PCDHGA8: variants seen among roughly 807,000 people sequenced by gnomAD.
PCDHGA8 encodes the protein protocadherin gamma subfamily A, 8.
In PCDHGA8, 45 loss-of-function variants were observed where a neutral mutation model predicts 59.2. The observed-to-expected ratio is 0.76, with a 90% CI of 0.60 to 0.98. The LOEUF is 0.98. Among genes scored for constraint, PCDHGA8 ranks in the 50% least tolerant of loss-of-function variants. The probability of loss-of-function intolerance (pLI) is 0.00; values close to 1 mark genes in which losing one functional copy is unlikely to be tolerated. For missense variants in PCDHGA8, 1,257 were observed against 1,196.2 expected (o/e 1.05, Z -0.75); for synonymous variants, 531 against 519.0 (o/e 1.02, Z -0.32).
Position 141,491,274 on chromosome 5 carries a change from T to C in PCDHGA8, c.2425-3533T>C, listed in dbSNP as rs2099710140. On this transcript the variant is annotated intron_variant, in intron 1 of 3. Transcript: ENST00000398604. The surrounding 1 kb of genome is among the most constrained non-coding windows in gnomAD (Gnocchi z 6.9). ...ACCCTGAGGAAATGCCCAAATCCAG[T>C]GACTTCCTCATACACCCTCCTGAGC... The C allele has an allele frequency of 6.2e-7, 1 of 1,614,102 alleles. No individual in the cohort carries two copies. Among genetic ancestry groups the C allele is most frequent in the Non-Finnish European group, 8.5e-7 (1 of 1,179,914 alleles).
chr5:141,491,381 C>A lies in PCDHGA8; in HGVS notation c.2425-3426C>A. On this transcript the variant is annotated intron_variant, in intron 1 of 3. Transcript: ENST00000398604. This position sits in a 1 kb window ranked among gnomAD's most constrained non-coding sequence, Gnocchi z 6.9. ...CTAGTCACCTTCACCTTTCTGTCAGCGAAGTGCCTTCAGGGAAACGCAGAC... is the reference window on the plus strand; with the variant it reads ...CTAGTCACCTTCACCTTTCTGTCAGAGAAGTGCCTTCAGGGAAACGCAGAC... 2 of 1,614,068 alleles carry A rather than the reference C, an allele frequency of 1.2e-6. No homozygotes were observed. The highest frequency in any genetic ancestry group is 1.7e-6 in the Non-Finnish European group (2 of 1,179,950).
Position 141,491,686 on chromosome 5 carries a change from C to A in PCDHGA8, c.2425-3121C>A. The A allele has an allele frequency of 6.2e-7, 1 of 1,612,970 alleles. No homozygotes were observed. The highest frequency in any genetic ancestry group is 8.5e-7 in the Non-Finnish European group (1 of 1,179,558). Reference sequence around the variant, plus strand: ...CATCCGGTCCCGCTCTAATACGCTGCGGGAGCGGAGCCAGGTGAGGGGCTC... The same window carrying A: ...CATCCGGTCCCGCTCTAATACGCTGAGGGAGCGGAGCCAGGTGAGGGGCTC... On this transcript the variant is annotated intron_variant, in intron 1 of 3. Coordinates refer to ENST00000398604, the MANE Select transcript of PCDHGA8 (RefSeq NM_032088.2). The surrounding 1 kb of genome is among the most constrained non-coding windows in gnomAD (Gnocchi z 6.9).
chr5:141,465,697 T>C (rs1386528821), intron 1 of PCDHGA8, among the ~76,000 whole-genome samples: 2 of 152,200 alleles, frequency 1.3e-5, no homozygotes, highest in African/African-American at 4.8e-5. Context: ...TGCTTTTGCA[T>C]TGGTCAAATG....
Position 141,511,285 on chromosome 5 carries a change from G to C in PCDHGA8, c.*112G>C. On this transcript the variant is annotated 3_prime_UTR_variant, in exon 4 of 4. Coordinates refer to ENST00000398604, the MANE Select transcript of PCDHGA8 (RefSeq NM_032088.2). Reference sequence around the variant, plus strand: ...GGGCTAACCCCCAGAATACTGGTAGGGGCCAAGGCCATGCTCCCCTTGGGA... The same window carrying C: ...GGGCTAACCCCCAGAATACTGGTAGCGGCCAAGGCCATGCTCCCCTTGGGA... 1 of 1,521,904 alleles carries C rather than the reference G, an allele frequency of 6.6e-7. No homozygotes were observed. The highest frequency in any genetic ancestry group is 8.8e-7 in the Non-Finnish European group (1 of 1,131,664). 94.3% of individuals were successfully genotyped at this position (1,521,904 alleles called of 1,614,324 possible).
intron 1 of PCDHGA8, among the ~76,000 whole-genome samples, chr5:141,482,767 A>G (rs2099572087): frequency 6.6e-6 from 1 of 150,474 alleles, no homozygotes; most frequent in East Asian, 1.9e-4. Flanking sequence ...TTTCATTATC[A>G]CTGAACCTTA....
At chr5:141,435,214 A>T (rs1314928643) in intron 1 of PCDHGA8, among the ~76,000 whole-genome samples, 1 of 152,176 alleles carries the variant, frequency 6.6e-6, no homozygotes, top group Non-Finnish European at 1.5e-5. Context: ...AAGTGAATTT[A>T]CTTTCTTTCA....
chr5:141,470,627 G>A (rs977900352), intron 1 of PCDHGA8, among the ~76,000 whole-genome samples: 3 of 152,154 alleles, frequency 2.0e-5, no homozygotes, highest in Non-Finnish European at 2.9e-5. Flanking sequence ...TGCTTAGATA[G>A]GCCCCCTTGC....
intron 1 of PCDHGA8, among the ~76,000 whole-genome samples, chr5:141,459,660 T>C (rs73280323): frequency 7.9e-4 from 120 of 152,386 alleles, no homozygotes; most frequent in African/African-American, 2.7e-3. Flanking sequence ...AATATCACTT[T>C]ACATTTTCAT....
chr5:141,452,791 C>T (rs1202677389), intron 1 of PCDHGA8, among the ~76,000 whole-genome samples: 2 of 152,156 alleles, frequency 1.3e-5, no homozygotes, highest in Non-Finnish European at 2.9e-5. Context: ...AACATACCAT[C>T]ATTTTTGCTG....
Position 141,485,369 on chromosome 5 carries a change from G to T in PCDHGA8, c.2425-9438G>T. On this transcript the variant is annotated intron_variant, in intron 1 of 3. Transcript: ENST00000398604. This position sits in a 1 kb window ranked among gnomAD's most constrained non-coding sequence, Gnocchi z 5.7. ...CAGTCTGTCAGCTCGCAGGCTGCAG[G>T]TCGCTGGAGAGGTGAACCAAAGACA... 1 of 1,614,154 alleles carries T rather than the reference G, an allele frequency of 6.2e-7. No individual in the cohort carries two copies. The highest frequency in any genetic ancestry group is 1.1e-5 in the South Asian group (1 of 91,088).
rs781651287 is a variant in PCDHGA8, at chr5:141,505,380, A to G, written c.2484-13A>G. ...CCTGGGAGTCTGTGCTCACCATCCT[A>G]CTCTCTCCCCAGCTCCCAAAATGGC... On this transcript the variant is annotated splice_polypyrimidine_tract_variant and intron_variant, in intron 2 of 3. Transcript: ENST00000398604. The G allele has an allele frequency of 4.3e-6, 7 of 1,613,362 alleles. No homozygotes were observed. The African/African-American group carries it at 5.4e-5, about 12-fold the overall frequency.
At chr5:141,440,030 G>A (rs780807702) in intron 1 of PCDHGA8, 2 of 153,028 alleles carry the variant, frequency 1.3e-5, no homozygotes, top group African/African-American at 2.4e-5. Context: ...ACTCAGTGTC[G>A]AGGACATGCC....
At chr5:141,430,977 A>C (rs761722055) in intron 1 of PCDHGA8, 1 of 1,613,290 alleles carries the variant, frequency 6.2e-7, no homozygotes, top group South Asian at 1.1e-5. Context: ...GGTAGGACGC[A>C]GCTTTTCGCC....
At chr5:141,498,796 G>C (rs1160540093) in intron 2 of PCDHGA8, among the ~76,000 whole-genome samples, 1 of 152,032 alleles carries the variant, frequency 6.6e-6, no homozygotes, top group African/African-American at 2.4e-5. Context: ...AGCCAGGTGT[G>C]GTGGTGCACA....
At chr5:141,502,234 C>T (rs1482411915) in intron 2 of PCDHGA8, among the ~76,000 whole-genome samples, 1 of 152,108 alleles carries the variant, frequency 6.6e-6, no homozygotes, top group Non-Finnish European at 1.5e-5. Flanking sequence ...TCTGTGTGTT[C>T]TTTTATCCTT....
In PCDHGA8 at chr5:141,491,463, C is replaced by CT. The variant is rs765984397; in HGVS notation, c.2425-3343dup. The CT allele has an allele frequency of 6.2e-7, 1 of 1,614,112 alleles. No homozygotes were observed. Among genetic ancestry groups the CT allele is most frequent in the Non-Finnish European group, 8.5e-7 (1 of 1,180,010 alleles). ...GCCAGGACTCACCCTCCCCGGACTT[C>CT]TATAAGCAGTCCAGCCCCAACCTGC... On this transcript the variant is annotated intron_variant, in intron 1 of 3. Coordinates refer to ENST00000398604, the MANE Select transcript of PCDHGA8 (RefSeq NM_032088.2). This position sits in a 1 kb window ranked among gnomAD's most constrained non-coding sequence, Gnocchi z 6.9.
At chr5:141,478,838 T>C (rs1439577444) in intron 1 of PCDHGA8, 1 of 1,426,484 alleles carries the variant, frequency 7.0e-7, no homozygotes, top group Non-Finnish European at 9.2e-7. Flanking sequence ...TAAGGGATGG[T>C]TAAGCTAAAA....
intron 1 of PCDHGA8, chr5:141,404,766 C>T (rs1489047184): frequency 6.2e-7 from 1 of 1,613,940 alleles, no homozygotes; most frequent in East Asian, 2.2e-5. Flanking sequence ...GCTTGGCTCT[C>T]CTACCGCCTA....
chr5:141,448,788 A>C (rs865953914), intron 1 of PCDHGA8, among the ~76,000 whole-genome samples: 3 of 151,964 alleles, frequency 2.0e-5, no homozygotes, highest in South Asian at 2.1e-4. Flanking sequence ...AAAATACAAA[A>C]AAAAAAATTA....
Sources: gnomAD v4.1 joint callset for allele counts (sites outside exome capture counted in the v4.1 genomes callset) on GRCh38, gnomAD v4.1.1 for gene constraint, Gnocchi (gnomAD v3.1) non-coding constraint, MANE v1.5 for transcripts, NCBI Gene and HGNC (gene_info 2026-07-23, HGNC 2026-07-21) for gene names.